The following PCDHA13 variants were observed in gnomAD, a reference collection of about 807,000 sequenced individuals.
PCDHA13 encodes protocadherin alpha 13.
PCDHA13 carries 54 observed loss-of-function variants against 64.8 expected under a neutral mutation model. The observed-to-expected ratio is 0.83, with a 90% CI of 0.67 to 1.04. The LOEUF (loss-of-function observed/expected upper bound fraction) is 1.04. Ranked by LOEUF, PCDHA13 falls within the 50% of genes least tolerant of loss-of-function variation. PCDHA13 has a pLI of 0.00. For missense variants in PCDHA13, 1,248 were observed against 1,254.3 expected (o/e 0.99, Z 0.08); for synonymous variants, 587 against 564.4 (o/e 1.04, Z -0.57).
At chr5:140,980,837 A>T (rs1189348118) in intron 2 of PCDHA13, among the ~76,000 whole-genome samples, 1 of 152,160 alleles carries the variant, frequency 6.6e-6, no homozygotes, top group Non-Finnish European at 1.5e-5. Context: ...TGTGAACCTA[A>T]ATAATACTAA....
chr5:140,899,607 TC>T (rs1301087468), intron 1 of PCDHA13, among the ~76,000 whole-genome samples: 11 of 152,322 alleles, frequency 7.2e-5, no homozygotes, highest in African/African-American at 2.6e-4. Flanking sequence ...GACTTTTGCA[TC>T]AATGTTCATC....
Position 140,924,728 on chromosome 5 carries a change from C to G in PCDHA13, c.2394+40066C>G, listed in dbSNP as rs191622894. Among the ~76,000 whole-genome samples, 1,223 of 151,892 alleles carry G rather than the reference C, an allele frequency of 8.1e-3. 6 individuals carry two copies. The highest frequency in any genetic ancestry group is 0.019 in the African/African-American group (789 of 41,420). ...TGTGCAACATGGCGAAACCTCACCT[C>G]TAATAAAAATACAAAAATTAACCGA... On this transcript the variant is annotated intron_variant, in intron 1 of 3. Transcript: ENST00000289272.
chr5:141,006,535 G>A (rs1473022946), intron 3 of PCDHA13, among the ~76,000 whole-genome samples: 1 of 152,118 alleles, frequency 6.6e-6, no homozygotes, highest in Non-Finnish European at 1.5e-5. Context: ...TTTTTAAAGA[G>A]AGACATTAAG....
chr5:140,966,545 G>T (rs1554228431), intron 1 of PCDHA13: 1 of 465,862 alleles, frequency 2.1e-6, no homozygotes, highest in East Asian at 3.5e-5. Context: ...CGACTCGGAG[G>T]CGAGCGGAGG....
At chr5:140,970,753 C>T (rs1282500516) in intron 1 of PCDHA13, among the ~76,000 whole-genome samples, 1 of 152,176 alleles carries the variant, frequency 6.6e-6, no homozygotes, top group Non-Finnish European at 1.5e-5. Context: ...AATATATTTT[C>T]ATTGACATAT....
At chr5:140,890,217 G>T (rs2153429721) in intron 1 of PCDHA13, among the ~76,000 whole-genome samples, 1 of 152,142 alleles carries the variant, frequency 6.6e-6, no homozygotes, top group South Asian at 2.1e-4. Context: ...TTTTCCCAGA[G>T]ACCTAGTTGT....
Position 141,009,628 on chromosome 5 carries a change from A to G in PCDHA13, c.2544A>G (p.Glu848=), listed in dbSNP as rs1441195912. The G allele has an allele frequency of 1.2e-6, 2 of 1,613,000 alleles. No individual in the cohort carries two copies. The highest frequency in any genetic ancestry group is 2.2e-5 in the East Asian group (1 of 44,852). Residue 848 remains glutamate, a splice_region_variant and synonymous_variant, in exon 4 of 4, where the codon GAA becomes GAG. Coordinates refer to ENST00000289272, the MANE Select transcript of PCDHA13 (RefSeq NM_018904.3). ...GATTTGTAATGTTTTGTCTTTCAGA[A>G]CCAGAGGCAGGAGAAGTGTCCCCTC... is the stretch of plus-strand genomic sequence containing the variant. ...QWPTVSSATP[E]PEAGEVSPPV...
chr5:140,954,836 A>T (rs1185482098), intron 1 of PCDHA13, among the ~76,000 whole-genome samples: 1 of 152,086 alleles, frequency 6.6e-6, no homozygotes, highest in Non-Finnish European at 1.5e-5. Context: ...TTTGTCATGA[A>T]ATCTTTGCCT....
intron 1 of PCDHA13, among the ~76,000 whole-genome samples, chr5:140,921,757 T>C (rs1361449960): frequency 6.6e-6 from 1 of 152,122 alleles, no homozygotes; most frequent in Non-Finnish European, 1.5e-5. Context: ...GGACACTTCT[T>C]GGCTACTATT....
chr5:140,902,956 G>A (rs1356131798), intron 1 of PCDHA13, among the ~76,000 whole-genome samples: 3 of 152,242 alleles, frequency 2.0e-5, no homozygotes, highest in Non-Finnish European at 4.4e-5. Context: ...TTATCCACTT[G>A]TTGGCTGATG....
At chr5:140,956,038 A>T in intron 1 of PCDHA13, among the ~76,000 whole-genome samples, 1 of 152,182 alleles carries the variant, frequency 6.6e-6, no homozygotes, top group South Asian at 2.1e-4. Flanking sequence ...CAGCTTAAGA[A>T]GCTTTTGGGC....
At chr5:140,891,358 G>A (rs1002422244) in intron 1 of PCDHA13, among the ~76,000 whole-genome samples, 1 of 152,044 alleles carries the variant, frequency 6.6e-6, no homozygotes. Flanking sequence ...TCCATCACCT[G>A]AGCAGTATAC....
intron 1 of PCDHA13, among the ~76,000 whole-genome samples, chr5:140,899,105 T>G (rs2153462801): frequency 6.6e-6 from 1 of 152,160 alleles, no homozygotes; most frequent in Non-Finnish European, 1.5e-5. Flanking sequence ...GATAATGGGG[T>G]TTTCTAGATA....
chr5:140,967,670 G>A (rs1554229754), intron 1 of PCDHA13: 1 of 1,614,092 alleles, frequency 6.2e-7, no homozygotes, highest in Non-Finnish European at 8.5e-7. Flanking sequence ...CTACACGTCG[G>A]ACCGGGAGAG....
At chr5:140,933,863 A>G (rs2089469278) in intron 1 of PCDHA13, among the ~76,000 whole-genome samples, 1 of 151,666 alleles carries the variant, frequency 6.6e-6, no homozygotes, top group Non-Finnish European at 1.5e-5. Context: ...ATTTTTTCAG[A>G]TATATGTTAG....
intron 1 of PCDHA13, among the ~76,000 whole-genome samples, chr5:140,972,314 GTGT>G (rs1387433472): frequency 1.3e-5 from 2 of 150,490 alleles, no homozygotes; most frequent in Non-Finnish European, 3.0e-5. Context: ...TAGTTTTTAG[GTGT>G]TTTTTTTTTT....
At position 140,883,881 on chromosome 5, in the gene PCDHA13, G is replaced by A. The variant is rs782379771; in HGVS notation, c.1613G>A (p.Arg538His). The A allele has an allele frequency of 8.1e-6, 13 of 1,613,320 alleles. No individual in the cohort carries two copies. Among genetic ancestry groups the A allele is most frequent in the Non-Finnish European group, 1.1e-5 (13 of 1,179,870 alleles). Residue 538 changes from arginine to histidine, a missense_variant, in exon 1 of 4, where the codon CGC (arginine) becomes CAC (histidine). By Grantham distance (29) the Arg-to-His change is conservative (BLOSUM62 0). Transcript: ENST00000289272. ...LELLQFQVSA[R>H]DSGVPPLGSN... is the part of the protein sequence containing the mutation. The stretch of plus-strand genomic sequence containing the variant: ...CTGTTGCAGTTCCAGGTGAGCGCGC[G>A]CGACTCTGGCGTGCCGCCTCTGGGC...
At chr5:140,991,420 A>G (rs1413227137) in intron 3 of PCDHA13, among the ~76,000 whole-genome samples, 2 of 152,234 alleles carry the variant, frequency 1.3e-5, no homozygotes, top group Admixed American at 6.5e-5. Flanking sequence ...GCTATAACAA[A>G]TTAACCATAA....
intron 1 of PCDHA13, chr5:140,927,070 A>G (rs1697871410): frequency 1.9e-6 from 3 of 1,610,816 alleles, no homozygotes; most frequent in Non-Finnish European, 2.5e-6. Context: ...CTTCCTTTCC[A>G]GCCACCGCGA....
Sources: allele counts gnomAD v4.1 joint callset (sites outside exome capture counted in the v4.1 genomes callset), GRCh38; gene constraint gnomAD v4.1.1; transcripts MANE v1.5; gene names NCBI Gene and HGNC (gene_info 2026-07-23, HGNC 2026-07-21).